Variants in SLC7A5 observed in about 807,000 individuals in gnomAD.
SLC7A5 encodes the protein large neutral amino acids transporter small subunit 1.
SLC7A5 carries 23 observed loss-of-function variants against 50.2 expected under a neutral mutation model. The ratio of observed to expected loss-of-function variants is 0.46; its 90% confidence interval spans 0.33 to 0.65. SLC7A5 has a LOEUF of 0.65. Ranked by LOEUF, SLC7A5 falls within the 30% of genes least tolerant of loss-of-function variation. SLC7A5 has a pLI of 0.02. For missense variants in SLC7A5, 578 were observed against 684.4 expected (o/e 0.84, Z 1.73); for synonymous variants, 393 against 330.6 (o/e 1.19, Z -2.05).
chr16:87,836,857 G>GGAGGAGGGAAGGAGGGAGGA (rs1197465660), intron 7 of SLC7A5: 11 of 552,490 alleles, frequency 2.0e-5, no homozygotes, highest in Middle Eastern at 4.8e-4. Context: ...GAAGAGGCGG[G>GGAGGAGGGAAGGAGGGAGGA]GAGGAGGGAA....
In SLC7A5 at chr16:87,862,427, A is replaced by C. The variant is rs960740427; in HGVS notation, c.538+6458T>G. 6.6e-6 allele frequency among the ~76,000 whole-genome samples: 1 copy of C among 152,200 alleles called. No individual in the cohort carries two copies. Among genetic ancestry groups the C allele is most frequent in the African/African-American group, 2.4e-5 (1 of 41,448 alleles). ...ACCCTTTAGGGAGGGGCTCAGAGAC[A>C]GTTGTGGCGATTCCTACTTCCACCC... is the stretch of plus-strand genomic sequence containing the variant. On this transcript the variant is annotated intron_variant, in intron 1 of 9. Coordinates refer to ENST00000261622, the MANE Select transcript of SLC7A5 (RefSeq NM_003486.7). The surrounding 1 kb of genome is among the most constrained non-coding windows in gnomAD (Gnocchi z 5.3).
rs74374076 is a variant in SLC7A5, at chr16:87,833,509, G to A, written c.1469-484C>T. ...AGACATCACTCTGTGGAGGGGGACTGCTTTCAGGATAGAGACGGGGGTTTG... is the reference window on the plus strand; with the variant it reads ...AGACATCACTCTGTGGAGGGGGACTACTTTCAGGATAGAGACGGGGGTTTG... On this transcript the variant is annotated intron_variant, in intron 9 of 9. Coordinates refer to ENST00000261622, the MANE Select transcript of SLC7A5 (RefSeq NM_003486.7). This position sits in a 1 kb window ranked among gnomAD's most constrained non-coding sequence, Gnocchi z 6.0. 5.2e-3 allele frequency among the ~76,000 whole-genome samples: 799 copies of A among 152,314 alleles called. 41 individuals are homozygous for A. In the East Asian group the frequency reaches 0.12, roughly 23 times the overall value.
In SLC7A5 at chr16:87,868,926, A is replaced by G; in HGVS notation, c.497T>C (p.Val166Ala). ...LLKPLFPTCP[V>A]PEEAAKLVAC... is the part of the protein sequence containing the mutation. ...CACGAGCTTGGCTGCCTCCTCGGGC[A>G]CCGGGCAGGTGGGGAAGAGCGGCTT... Residue 166 changes from valine (V) to alanine (A), a missense_variant, in exon 1 of 10, where the codon GTG (valine) becomes GCG (alanine). Physicochemically the swap from Val to Ala is moderately conservative, Grantham distance 64. Transcript: ENST00000261622. The G allele has an allele frequency of 6.2e-7, 1 of 1,610,168 alleles. No individual in the cohort carries two copies. Among genetic ancestry groups the G allele is most frequent in the Non-Finnish European group, 8.5e-7 (1 of 1,179,286 alleles).
chr16:87,857,673 G>A (rs2055338184), intron 1 of SLC7A5, among the ~76,000 whole-genome samples: 1 of 152,176 alleles, frequency 6.6e-6, no homozygotes, highest in Non-Finnish European at 1.5e-5. Flanking sequence ...AGATGTCCCT[G>A]GGCAAACAGA....
rs2055086379 is a variant in SLC7A5, at chr16:87,841,812, G to A, written c.665-657C>T. 6.6e-6 allele frequency among the ~76,000 whole-genome samples: 1 copy of A among 152,340 alleles called. No homozygotes were observed. The highest frequency in any genetic ancestry group is 2.1e-4 in the South Asian group (1 of 4,832). On this transcript the variant is annotated intron_variant, in intron 2 of 9. Coordinates refer to ENST00000261622, the MANE Select transcript of SLC7A5 (RefSeq NM_003486.7). The surrounding 1 kb of genome is among the most constrained non-coding windows in gnomAD (Gnocchi z 4.8). ...CTGAGGACACGCGTCACTGGACTTC[G>A]TGACTGCTCCACCCTATTCCAGAAG... is the stretch of plus-strand genomic sequence containing the variant.
rs867800730 is a variant in SLC7A5, at chr16:87,833,643, G to C, written c.1469-618C>G. On this transcript the variant is annotated intron_variant, in intron 9 of 9. Transcript: ENST00000261622. This position sits in a 1 kb window ranked among gnomAD's most constrained non-coding sequence, Gnocchi z 6.0. ...GGTGATCAGAGTGTGGGGTAGGGGTGGGGGGTCTCCCTGCCTGTGTTGCTG... is the reference window on the plus strand; with the variant it reads ...GGTGATCAGAGTGTGGGGTAGGGGTCGGGGGTCTCCCTGCCTGTGTTGCTG... Among the ~76,000 whole-genome samples the C allele has an allele frequency of 1.6e-5, 2 of 123,006 alleles. No homozygotes were observed. Among genetic ancestry groups the C allele is most frequent in the Admixed American group, 7.3e-5 (1 of 13,770 alleles). The allele number at this position is 123,006 out of a possible 152,430, so 80.7% of individuals were successfully genotyped here.
intron 1 of SLC7A5, among the ~76,000 whole-genome samples, chr16:87,868,250 T>G (rs1397407539): frequency 6.6e-6 from 1 of 152,076 alleles, no homozygotes. Context: ...CAGAGAAACC[T>G]GGGACCCGCA....
Position 87,839,750 on chromosome 16 carries a change from G to A in SLC7A5, c.891C>T (p.Phe297=), listed in dbSNP as rs1416249383. 1.9e-6 allele frequency: 3 copies of A among 1,613,878 alleles called. No individual in the cohort carries two copies. The South Asian group carries it at 3.3e-5, about 18-fold the overall frequency. The part of the protein sequence containing the change: ...LVYVLTNLAY[F]TTLSTEQMLS... ...GCATCTGCTCGGTGGACAGGGTGGT[G>A]AAGTAGGCCAGGTTGGTCAGCACGT... The change falls in exon 5 of 10, where the codon TTC becomes TTT. Residue 297 remains phenylalanine (F), a synonymous_variant. Transcript: ENST00000261622.
At chr16:87,851,889 C>G (rs768404182) in intron 1 of SLC7A5, 40 bp from the exon 2 acceptor site, 3 of 1,611,138 alleles carry the variant, frequency 1.9e-6, no homozygotes, top group Non-Finnish European at 2.5e-6. Context: ...CACGGGCAGA[C>G]AGACGCCAGC....
In SLC7A5 at chr16:87,868,904, G is replaced by A. The variant is rs753653850; in HGVS notation, c.519C>T (p.Leu173=). ...ACTCACGCACGCAGAGGCAGGCCAC[G>A]AGCTTGGCTGCCTCCTCGGGCACCG... ...TCPVPEEAAK[L]VACLCVLLLT... is the part of the protein sequence containing the mutation. Residue 173 remains leucine, a synonymous_variant, in exon 1 of 10, where the codon CTC becomes CTT. Coordinates refer to ENST00000261622, the MANE Select transcript of SLC7A5 (RefSeq NM_003486.7). The A allele has an allele frequency of 2.5e-5, 40 of 1,608,746 alleles. No individual in the cohort carries two copies. The highest frequency in any genetic ancestry group is 3.2e-5 in the Non-Finnish European group (38 of 1,178,704).
At chr16:87,847,411 A>AG (rs2055167776) in intron 2 of SLC7A5, among the ~76,000 whole-genome samples, 1 of 152,144 alleles carries the variant, frequency 6.6e-6, no homozygotes, top group Non-Finnish European at 1.5e-5. Flanking sequence ...CAGATGAGGG[A>AG]GGCGGCACCT....
rs9922942 is a variant in SLC7A5 at position 87,853,877 on chromosome 16, G to C, written c.539-2028C>G. ...ACTCCAGACACCAGACAGGCGCTGC[G>C]GAGACACTGAGCACTGCCCTCGCGG... On this transcript the variant is annotated intron_variant, in intron 1 of 9. Transcript: ENST00000261622. This position sits in a 1 kb window ranked among gnomAD's most constrained non-coding sequence, Gnocchi z 4.4. 0.72 allele frequency: 109,161 copies of C among 152,024 alleles called. 40,564 individuals are homozygous for C. Among genetic ancestry groups the C allele is most frequent in the African/African-American group, 0.89 (36,832 of 41,484 alleles). 9.4% of individuals were successfully genotyped at this position (152,024 alleles called of 1,614,324 possible).
intron 1 of SLC7A5, among the ~76,000 whole-genome samples, chr16:87,866,095 AT>A (rs1307045148): frequency 5.7e-5 from 8 of 139,480 alleles, no homozygotes; most frequent in African/African-American, 1.9e-4. Flanking sequence ...ACAGGGTTCT[AT>A]GGGGGGGCGG....
At chr16:87,842,469 A>G (rs2055093638) in intron 2 of SLC7A5, among the ~76,000 whole-genome samples, 1 of 152,214 alleles carries the variant, frequency 6.6e-6, no homozygotes, top group Non-Finnish European at 1.5e-5. Context: ...AATTACCCCA[A>G]ACAAAGTGCG....
chr16:87,868,255 C>T (rs565402621), intron 1 of SLC7A5, among the ~76,000 whole-genome samples: 131 of 152,204 alleles, frequency 8.6e-4, no homozygotes, highest in Non-Finnish European at 1.5e-3. Flanking sequence ...AAACCTGGGA[C>T]CCGCACGTCC....
intron 1 of SLC7A5, among the ~76,000 whole-genome samples, chr16:87,859,414 C>A (rs1039543055): frequency 1.3e-5 from 2 of 152,182 alleles, no homozygotes; most frequent in African/African-American, 4.8e-5. Context: ...GCTGGACTGG[C>A]CCCGGGGTCA....
rs1437902938 is a variant in SLC7A5, at chr16:87,861,186, G to A, written c.538+7699C>T. Reference sequence around the variant, plus strand: ...AGCTATCCAGGTGATGCTCCAGGGAGGGCCAGGCCTACTGGGGGGCAGAAC... The same window carrying A: ...AGCTATCCAGGTGATGCTCCAGGGAAGGCCAGGCCTACTGGGGGGCAGAAC... On this transcript the variant is annotated intron_variant, in intron 1 of 9. Transcript: ENST00000261622. This position sits in a 1 kb window ranked among gnomAD's most constrained non-coding sequence, Gnocchi z 4.2. Among the ~76,000 whole-genome samples, 1 of 152,198 alleles carries A rather than the reference G, an allele frequency of 6.6e-6. No homozygotes were observed.
intron 7 of SLC7A5, 155 bp from the exon 8 acceptor site, chr16:87,836,802 G>C (rs530354789): frequency 1.4e-6 from 1 of 690,052 alleles, no homozygotes; most frequent in Admixed American, 2.1e-5. Context: ...CAACATGCAA[G>C]GTCTTGAAGG....
chr16:87,838,647 G>A, intron 6 of SLC7A5, 67 bp downstream of exon 6: 5 of 1,183,726 alleles, frequency 4.2e-6, no homozygotes, highest in South Asian at 1.2e-5. Context: ...TTACAGACAT[G>A]GAACATGTTG....
Sources: gnomAD v4.1 joint callset for allele counts (sites outside exome capture counted in the v4.1 genomes callset) on GRCh38, gnomAD v4.1.1 for gene constraint, Gnocchi (gnomAD v3.1) non-coding constraint, MANE v1.5 for transcripts, NCBI Gene and HGNC (gene_info 2026-07-23, HGNC 2026-07-21) for gene names.